RYR3: variants seen among roughly 807,000 people sequenced by gnomAD.
The protein encoded by RYR3 is ryanodine receptor 3.
In RYR3, 207 loss-of-function variants were observed where a neutral mutation model predicts 584.3. The observed-to-expected ratio is 0.35, with a 90% CI of 0.32 to 0.40. The LOEUF (loss-of-function observed/expected upper bound fraction) is 0.40, where lower values mean the gene tolerates loss of function less well. Ranked by LOEUF, RYR3 falls within the 10% of genes least tolerant of loss-of-function variation. The pLI, the probability that RYR3 is intolerant of heterozygous loss-of-function variation, is 1.00. For missense variants in RYR3, 5,616 were observed against 6,089.2 expected (o/e 0.92, Z 2.59); for synonymous variants, 2,416 against 2,248.5 (o/e 1.07, Z -2.11).
At chr15:33,575,397 G>A (rs1396111410) in intron 12 of RYR3, among the ~76,000 whole-genome samples, 1 of 152,130 alleles carries the variant, frequency 6.6e-6, no homozygotes, top group African/African-American at 2.4e-5. Context: ...CTCAGCAAAT[G>A]CAAAAGAAAT....
intron 8 of RYR3, among the ~76,000 whole-genome samples, chr15:33,544,733 C>G (rs1196391442): frequency 1.3e-5 from 2 of 152,256 alleles, no homozygotes; most frequent in East Asian, 1.9e-4. Context: ...TTCCTACTTG[C>G]TATCTACTCT....
At chr15:33,803,196 C>A (rs2076007030) in intron 69 of RYR3, among the ~76,000 whole-genome samples, 1 of 152,208 alleles carries the variant, frequency 6.6e-6, no homozygotes, top group African/African-American at 2.4e-5. Context: ...TTTTAGTATG[C>A]ATTGCTTGAT....
At chr15:33,551,625 T>C (rs896261477) in intron 10 of RYR3, among the ~76,000 whole-genome samples, 2 of 152,198 alleles carry the variant, frequency 1.3e-5, no homozygotes, top group African/African-American at 2.4e-5. Context: ...TTAAAAGACA[T>C]GAGCTTCCTG....
At chr15:33,489,718 C>T (rs2050804261) in intron 2 of RYR3, among the ~76,000 whole-genome samples, 1 of 152,138 alleles carries the variant, frequency 6.6e-6, no homozygotes, top group African/African-American at 2.4e-5. Flanking sequence ...TAGGTATGTA[C>T]CCAGTAATGG....
chr15:33,615,100 A>G (rs764200450), intron 19 of RYR3, among the ~76,000 whole-genome samples: 1 of 152,176 alleles, frequency 6.6e-6, no homozygotes, highest in African/African-American at 2.4e-5. Context: ...TTCCTCAGCC[A>G]TTCTTCATCC....
In RYR3 at chr15:33,865,702, C is replaced by G. The variant is rs1000606106; in HGVS notation, c.*476C>G. 1 of 154,612 alleles carries G rather than the reference C, an allele frequency of 6.5e-6. No homozygotes were observed. Among genetic ancestry groups the G allele is most frequent in the South Asian group, 2.0e-4 (1 of 4,896 alleles). The allele number at this position is 154,612 out of a possible 1,614,324, so 9.6% of individuals were successfully genotyped here. ...CATGGTACTTGCTAGTGACTGTATC[C>G]AGAAAAGCTTTAAGCAGTTAAAGAA... On this transcript the variant is annotated 3_prime_UTR_variant, in exon 104 of 104. Coordinates refer to ENST00000634891, the MANE Select transcript of RYR3 (RefSeq NM_001036.6).
intron 20 of RYR3, among the ~76,000 whole-genome samples, chr15:33,627,761 G>T (rs776990988): frequency 6.6e-6 from 1 of 152,194 alleles, no homozygotes; most frequent in African/African-American, 2.4e-5. Context: ...ACTGGTTGCA[G>T]TGTAGAGGAT....
rs377431580 is a variant in RYR3 at position 33,838,510 on chromosome 15, C to T, written c.12530C>T (p.Ala4177Val). 2.5e-5 allele frequency: 40 copies of T among 1,613,800 alleles called. No individual in the cohort carries two copies. The highest frequency in any genetic ancestry group is 3.1e-5 in the Non-Finnish European group (36 of 1,179,868). Residue 4177 changes from alanine (A) to valine (V), a missense_variant, in exon 89 of 104, where the codon GCG becomes GTG. This residue lies in a region of RYR3 where 918 missense variants were observed against 887.4 expected (regional missense o/e 1.03). Coordinates refer to ENST00000634891, the MANE Select transcript of RYR3 (RefSeq NM_001036.6). The stretch of plus-strand genomic sequence containing the variant: ...TACAGGAACGTGAAAAAGATGACTG[C>T]GAAGGAGCTGGTGAAGGTGCTCTTC... ...KQYRNVKKMT[A>V]KELVKVLFSF...
intron 27 of RYR3, among the ~76,000 whole-genome samples, chr15:33,636,825 A>G (rs1174194754): frequency 6.6e-6 from 1 of 152,224 alleles, no homozygotes; most frequent in Admixed American, 6.5e-5. Context: ...GCATTTTAAG[A>G]TTCTCCAGGT....
intron 1 of RYR3, among the ~76,000 whole-genome samples, chr15:33,396,150 T>G (rs1016287886): frequency 2.6e-5 from 4 of 152,112 alleles, no homozygotes; most frequent in Admixed American, 2.6e-4. Flanking sequence ...GATCTTACAT[T>G]CAGGGGCCGG....
rs147831110 is a variant in RYR3, at chr15:33,379,839, G to A, written c.51+68743G>A. On this transcript the variant is annotated intron_variant, in intron 1 of 103. Coordinates refer to ENST00000634891, the MANE Select transcript of RYR3 (RefSeq NM_001036.6). ...CGAAAGCCTCAAAACCAGGGAAGCC[G>A]AAAGTGCAGCCTTCAGTCTGTGAAC... 6.6e-3 allele frequency among the ~76,000 whole-genome samples: 1,007 copies of A among 152,060 alleles called. 8 individuals are homozygous for A. Among genetic ancestry groups the A allele is most frequent in the Non-Finnish European group, 8.4e-3 (570 of 68,006 alleles).
chr15:33,561,252 A>AT, intron 10 of RYR3, among the ~76,000 whole-genome samples: 1 of 152,224 alleles, frequency 6.6e-6, no homozygotes, highest in East Asian at 1.9e-4. Context: ...AGACAAACAC[A>AT]TTTTACATTA....
chr15:33,525,990 A>G (rs1304185278), intron 3 of RYR3, among the ~76,000 whole-genome samples: 1 of 152,162 alleles, frequency 6.6e-6, no homozygotes, highest in Non-Finnish European at 1.5e-5. Context: ...TAGGAATATG[A>G]CCTTCCAAAC....
chr15:33,646,583 C>T (rs2062116140), intron 29 of RYR3, 57 bp downstream of exon 29: 2 of 1,483,698 alleles, frequency 1.3e-6, no homozygotes, highest in African/African-American at 1.4e-5. Flanking sequence ...GTAAAGTGGG[C>T]TTTCTGCTTT....
rs1459092960 is a variant in RYR3 at position 33,649,139 on chromosome 15, C to T, written c.4046C>T (p.Thr1349Ile). 6.2e-7 allele frequency: 1 copy of T among 1,613,846 alleles called. No homozygotes were observed. Among genetic ancestry groups the T allele is most frequent in the East Asian group, 2.2e-5 (1 of 44,878 alleles). Residue 1349 changes from threonine to isoleucine, a missense_variant, in exon 31 of 104, where the codon ACT (threonine) becomes ATT (isoleucine). Thr to Ile is a moderately conservative substitution (Grantham distance 89). Coordinates refer to ENST00000634891, the MANE Select transcript of RYR3 (RefSeq NM_001036.6). ...DPSCVWVGWV[T>I]PDYHLYSEKF... The stretch of plus-strand genomic sequence containing the variant: ...TCCTGTGTCTGGGTCGGATGGGTGA[C>T]TCCAGACTATCACTTGTACAGTGAA...
intron 38 of RYR3, among the ~76,000 whole-genome samples, chr15:33,673,199 A>G (rs1035298761): frequency 3.3e-5 from 5 of 152,366 alleles, no homozygotes; most frequent in Non-Finnish European, 4.4e-5. Context: ...ACGGAATTCA[A>G]TGTTTTAACA....
At chr15:33,843,665 T>A in intron 92 of RYR3, 91 bp downstream of exon 92, 1 of 928,090 alleles carries the variant, frequency 1.1e-6, no homozygotes, top group South Asian at 1.5e-5. Context: ...TTTGTGCTCT[T>A]AATTGTAGCA....
intron 43 of RYR3, among the ~76,000 whole-genome samples, chr15:33,709,093 T>A (rs1202710195): frequency 1.3e-5 from 2 of 152,118 alleles, no homozygotes; most frequent in African/African-American, 2.4e-5. Context: ...TTGAACATAA[T>A]GACATATTAA....
chr15:33,482,060 A>G (rs950375556), intron 2 of RYR3, among the ~76,000 whole-genome samples: 1 of 151,886 alleles, frequency 6.6e-6, no homozygotes, highest in African/African-American at 2.4e-5. Context: ...CTAGATCCAG[A>G]TTTCTATCTG....
Sources: gnomAD v4.1 joint callset for allele counts (sites outside exome capture counted in the v4.1 genomes callset) on GRCh38, gnomAD v4.1.1 for gene constraint, gnomAD v4.1.1 regional missense constraint, MANE v1.5 for transcripts, NCBI Gene and HGNC (gene_info 2026-07-23, HGNC 2026-07-21) for gene names.